Variants in FTCDNL1 observed in about 807,000 individuals in gnomAD.
The protein encoded by FTCDNL1 is formiminotransferase N-terminal subdomain-containing protein.
FTCDNL1 carries 11 observed loss-of-function variants against 5.9 expected under a neutral mutation model. The ratio of observed to expected loss-of-function variants is 1.87; its 90% confidence interval spans 1.18 to 3.10. The LOEUF (loss-of-function observed/expected upper bound fraction) is 3.10, where lower values mean the gene tolerates loss of function less well. FTCDNL1 is among the 30% of genes most tolerant of loss of function. FTCDNL1 has a pLI of 0.00. For synonymous variants in FTCDNL1, 58 were observed against 24.8 expected (o/e 2.34, Z -3.99); for missense variants, 115 against 65.5 (o/e 1.76, Z -2.61).
chr2:199,695,626 G>C, the FTCDNL1 span, among the ~76,000 whole-genome samples: 1 of 152,154 alleles, frequency 6.6e-6, no homozygotes. Context: ...AGCTCCTGGG[G>C]AAGGGGTGAC....
chr2:199,782,281 T>C lies in FTCDNL1; in HGVS notation c.212-21446A>G, dbSNP rs190642603. On this transcript the variant is annotated intron_variant, in intron 3 of 3. Transcript: ENST00000416668. ...TGTCTGTCACACTTGGGCAAAATGG[T>C]ATTTTTAATCAACTTTACTGAGGAA... Among the ~76,000 whole-genome samples the C allele has an allele frequency of 5.3e-5, 8 of 152,334 alleles. No individual in the cohort carries two copies. In the East Asian group the frequency reaches 1.2e-3, roughly 22 times the overall value.
the FTCDNL1 span, among the ~76,000 whole-genome samples, chr2:199,720,946 G>A: frequency 1.3e-5 from 2 of 152,122 alleles, no homozygotes; most frequent in East Asian, 3.8e-4. Context: ...TTCTCTTTAA[G>A]ATACAAATGT....
chr2:199,733,771 A>G, the FTCDNL1 span, among the ~76,000 whole-genome samples: 2 of 152,220 alleles, frequency 1.3e-5, no homozygotes, highest in African/African-American at 4.8e-5. Flanking sequence ...ACATGACGAG[A>G]TGGAAATTAA....
At chr2:199,674,030 C>T in the FTCDNL1 span, among the ~76,000 whole-genome samples, 7,773 of 152,156 alleles carry the variant, frequency 0.051, 671 homozygotes, top group African/African-American at 0.18. Context: ...CTAATAGAAA[C>T]GGCTCTTACA....
the FTCDNL1 span, among the ~76,000 whole-genome samples, chr2:199,738,895 A>G: frequency 1.3e-5 from 2 of 152,214 alleles, no homozygotes; most frequent in Non-Finnish European, 1.5e-5. Context: ...CTTTGTTTCT[A>G]TTAACTCAGA....
the FTCDNL1 span, among the ~76,000 whole-genome samples, chr2:199,716,929 T>C: frequency 3.3e-5 from 5 of 152,116 alleles, no homozygotes; most frequent in African/African-American, 1.2e-4. Context: ...AATTAAGGGC[T>C]TGGCAAAGTT....
chr2:199,706,166 T>C, the FTCDNL1 span, among the ~76,000 whole-genome samples: 5 of 152,212 alleles, frequency 3.3e-5, no homozygotes, highest in East Asian at 3.9e-4. Context: ...ATTCCCTGAA[T>C]ACAGGAAGTC....
chr2:199,713,377 T>C, the FTCDNL1 span, among the ~76,000 whole-genome samples: 1 of 151,998 alleles, frequency 6.6e-6, no homozygotes, highest in Non-Finnish European at 1.5e-5. Flanking sequence ...AAATTGGAAA[T>C]GAATAAGGTG....
chr2:199,772,113 G>A (rs1214160766), intron 3 of FTCDNL1, among the ~76,000 whole-genome samples: 3 of 152,208 alleles, frequency 2.0e-5, no homozygotes, highest in Non-Finnish European at 4.4e-5. Flanking sequence ...GAGTCAATCT[G>A]ATAACCAAGG....
intron 3 of FTCDNL1, among the ~76,000 whole-genome samples, chr2:199,798,680 A>G (rs1452072309): frequency 1.3e-5 from 2 of 152,174 alleles, no homozygotes; most frequent in Non-Finnish European, 2.9e-5. Flanking sequence ...TCAGAACAAG[A>G]AAGTTAGACT....
At chr2:199,782,757 C>T (rs1350574943) in intron 3 of FTCDNL1, among the ~76,000 whole-genome samples, 2 of 152,226 alleles carry the variant, frequency 1.3e-5, no homozygotes, top group Non-Finnish European at 2.9e-5. Context: ...ATTCAATAGT[C>T]TTCAAAATGT....
At chr2:199,816,524 A>G (rs1457374362) in intron 4 of FTCDNL1, among the ~76,000 whole-genome samples, 1 of 152,212 alleles carries the variant, frequency 6.6e-6, no homozygotes, top group Non-Finnish European at 1.5e-5. Flanking sequence ...ATATGTTGGA[A>G]GCTTTAAGAA....
chr2:199,754,894 A>G, the FTCDNL1 span, among the ~76,000 whole-genome samples: 1 of 152,250 alleles, frequency 6.6e-6, no homozygotes, highest in African/African-American at 2.4e-5. Flanking sequence ...TTTCTTTTGA[A>G]TAACAGTTTA....
Position 199,851,013 on chromosome 2 carries a change from G to A in FTCDNL1, c.-281C>T, listed in dbSNP as rs1183765442. ...GGCAGCCGGCGGCTGCGCTGCCCCGGCCGAGCTCTCGAACCAGCGGCCGCG... is the reference window on the plus strand; with the variant it reads ...GGCAGCCGGCGGCTGCGCTGCCCCGACCGAGCTCTCGAACCAGCGGCCGCG... On this transcript the variant is annotated 5_prime_UTR_variant, in exon 1 of 5. Transcript: ENST00000420128. The A allele has an allele frequency of 4.0e-5, 6 of 151,706 alleles. No individual in the cohort carries two copies. Among genetic ancestry groups the A allele is most frequent in the Non-Finnish European group, 7.4e-5 (5 of 67,674 alleles). The allele number at this position is 151,706 out of a possible 1,614,324, so 9.4% of individuals were successfully genotyped here.
chr2:199,669,222 G>C, the FTCDNL1 span, among the ~76,000 whole-genome samples: 1 of 152,120 alleles, frequency 6.6e-6, no homozygotes, highest in Non-Finnish European at 1.5e-5. Flanking sequence ...TTCTGCCTTT[G>C]AGAAGAGACT....
the FTCDNL1 span, among the ~76,000 whole-genome samples, chr2:199,722,114 G>A: frequency 6.6e-6 from 1 of 152,328 alleles, no homozygotes; most frequent in East Asian, 1.9e-4. Context: ...TTGCTGTGCA[G>A]AAGCTCTTTA....
the FTCDNL1 span, among the ~76,000 whole-genome samples, chr2:199,688,874 C>G: frequency 6.6e-6 from 1 of 152,142 alleles, no homozygotes; most frequent in Admixed American, 6.5e-5. Flanking sequence ...TCTAGGCTTT[C>G]CTACATCCTC....
At chr2:199,727,796 A>T in the FTCDNL1 span, among the ~76,000 whole-genome samples, 1 of 152,200 alleles carries the variant, frequency 6.6e-6, no homozygotes, top group Admixed American at 6.5e-5. Context: ...GGGCTTTTAC[A>T]TAAATAATAG....
intron 3 of FTCDNL1, among the ~76,000 whole-genome samples, chr2:199,842,115 A>AC (rs1031115877): frequency 3.5e-4 from 53 of 151,660 alleles, no homozygotes; most frequent in Admixed American, 5.3e-4. Context: ...AAAAAAAAAA[A>AC]CAATTAGCTG....
Sources: gnomAD v4.1 joint callset for allele counts (sites outside exome capture counted in the v4.1 genomes callset) on GRCh38, gnomAD v4.1.1 for gene constraint, MANE v1.5 for transcripts, NCBI Gene and HGNC (gene_info 2026-07-23, HGNC 2026-07-21) for gene names.